Variants in OSBPL10 observed in about 807,000 individuals in gnomAD.
The protein encoded by OSBPL10 is oxysterol binding protein like 10.
A neutral mutation model predicts 81.7 loss-of-function variants in OSBPL10; 49 were observed. The ratio of observed to expected loss-of-function variants is 0.60; its 90% CI spans 0.48 to 0.76. OSBPL10 has a LOEUF of 0.76. Among genes scored for constraint, OSBPL10 ranks in the 30% least tolerant of loss-of-function variants. The pLI, the probability that OSBPL10 is intolerant of heterozygous loss-of-function variation, is 0.00. For synonymous variants in OSBPL10, 419 were observed against 383.6 expected (o/e 1.09, Z -1.08); for missense variants, 923 against 987.8 (o/e 0.93, Z 0.88).
At chr3:31,798,990 C>T (rs1699306916) in intron 4 of OSBPL10, among the ~76,000 whole-genome samples, 1 of 152,140 alleles carries the variant, frequency 6.6e-6, no homozygotes, top group Non-Finnish European at 1.5e-5. Context: ...CGGTGGAGCT[C>T]AGGCAGTACT....
chr3:31,892,852 G>A (rs927510153), intron 1 of OSBPL10, among the ~76,000 whole-genome samples: 20 of 152,138 alleles, frequency 1.3e-4, no homozygotes, highest in Admixed American at 1.2e-3. Context: ...AGCAAGCCAC[G>A]GACCAGCAGA....
At position 31,661,768 on chromosome 3, in the gene OSBPL10, AC is replaced by A; in HGVS notation, c.*303del. On this transcript the variant is annotated 3_prime_UTR_variant, in exon 12 of 12. Coordinates refer to ENST00000396556, the MANE Select transcript of OSBPL10 (RefSeq NM_017784.5). The stretch of plus-strand genomic sequence containing the variant: ...CATTGATAAAAAGGAGCTTATGATT[AC>A]CCACTTTAACCTTGGTGAGTGCAGT... 1 of 271,276 alleles carries A rather than the reference AC, an allele frequency of 3.7e-6. No homozygotes were observed. The allele number at this position is 271,276 out of a possible 1,614,324, so 16.8% of individuals were successfully genotyped here. A position where few individuals can be genotyped will look rare whatever the true frequency, so the allele number is the denominator to read the frequency against.
At chr3:31,861,524 C>G (rs1412596715) in intron 3 of OSBPL10, among the ~76,000 whole-genome samples, 5 of 152,082 alleles carry the variant, frequency 3.3e-5, no homozygotes, top group Non-Finnish European at 5.9e-5. Context: ...TAGGCAGAAC[C>G]CACAGATACA....
chr3:31,833,635 A>G (rs1267517187), intron 3 of OSBPL10, among the ~76,000 whole-genome samples: 1 of 152,002 alleles, frequency 6.6e-6, no homozygotes. Context: ...AGAAGCCCAA[A>G]ACATAATTAA....
chr3:31,800,612 T>TA (rs1699354939), intron 4 of OSBPL10, among the ~76,000 whole-genome samples: 1 of 152,240 alleles, frequency 6.6e-6, no homozygotes. Context: ...GCAAAATGCT[T>TA]ATACGAATAA....
chr3:31,784,634 G>A (rs1698813345), intron 4 of OSBPL10, among the ~76,000 whole-genome samples: 1 of 152,080 alleles, frequency 6.6e-6, no homozygotes, highest in African/African-American at 2.4e-5. Context: ...CCAGGCTGGA[G>A]TACAGTGGTG....
intron 3 of OSBPL10, among the ~76,000 whole-genome samples, chr3:31,849,384 A>G (rs905477932): frequency 2.6e-5 from 4 of 152,216 alleles, no homozygotes; most frequent in Non-Finnish European, 5.9e-5. Flanking sequence ...TATATCTTCT[A>G]GTCCAATCCT....
chr3:31,707,834 C>T (rs1197340972), intron 6 of OSBPL10, among the ~76,000 whole-genome samples: 1 of 152,146 alleles, frequency 6.6e-6, no homozygotes, highest in African/African-American at 2.4e-5. Context: ...GGCAAGTGTA[C>T]TTATGTTTTC....
At chr3:31,989,493 C>A (rs115832100) in intron 2 of OSBPL10, 1 of 1,614,098 alleles carries the variant, frequency 6.2e-7, no homozygotes, top group Non-Finnish European at 8.5e-7. Flanking sequence ...CTGGTAGCAC[C>A]GACAGATATG....
rs143660924 is a variant in OSBPL10 at position 32,047,866 on chromosome 3, C to T, written n.186-1263G>A. ...GTTTTTAGTAGAGATGGGGTTTCAC[C>T]ATGTTAGCCAGGATGGTATCAATCT... On this transcript the variant is annotated intron_variant and non_coding_transcript_variant, in intron 1 of 3. Transcript: ENST00000479173. 6.2e-3 allele frequency among the ~76,000 whole-genome samples: 941 copies of T among 152,150 alleles called. 14 individuals carry two copies. The highest frequency in any genetic ancestry group is 0.022 in the African/African-American group (912 of 41,510).
intron 2 of OSBPL10, among the ~76,000 whole-genome samples, chr3:32,018,628 C>G (rs551497494): frequency 9.9e-5 from 15 of 152,188 alleles, no homozygotes; most frequent in African/African-American, 3.4e-4. Flanking sequence ...ATCATTTGAG[C>G]CCAGGAGCTC....
intron 4 of OSBPL10, among the ~76,000 whole-genome samples, chr3:31,808,099 A>G (rs943103247): frequency 2.0e-5 from 3 of 152,194 alleles, no homozygotes; most frequent in Non-Finnish European, 4.4e-5. Context: ...AGTTTCACCC[A>G]GAATCAGTTA....
chr3:32,049,077 A>G (rs946598091), intron 1 of OSBPL10, among the ~76,000 whole-genome samples: 8 of 152,196 alleles, frequency 5.3e-5, no homozygotes, highest in African/African-American at 1.9e-4. Context: ...ATCCCTGCCC[A>G]TTTCCCAGAA....
intron 3 of OSBPL10, among the ~76,000 whole-genome samples, chr3:31,839,216 A>C (rs1700435367): frequency 6.6e-6 from 1 of 152,224 alleles, no homozygotes; most frequent in African/African-American, 2.4e-5. Flanking sequence ...CTCCTTTTCC[A>C]AACAGGCAGA....
At chr3:31,758,998 T>C (rs1361096001) in intron 4 of OSBPL10, among the ~76,000 whole-genome samples, 4 of 152,172 alleles carry the variant, frequency 2.6e-5, no homozygotes, top group African/African-American at 4.8e-5. Flanking sequence ...AACCTCATCA[T>C]TGTTTAGTTG....
At chr3:32,011,483 G>A (rs1041939989) in intron 2 of OSBPL10, among the ~76,000 whole-genome samples, 7 of 152,156 alleles carry the variant, frequency 4.6e-5, no homozygotes, top group African/African-American at 1.7e-4. Flanking sequence ...AAACCACAAA[G>A]ATGGGGAAAA....
chr3:31,748,154 G>A (rs374820338), intron 4 of OSBPL10, 34 bp from the exon 5 acceptor site: 3 of 1,572,632 alleles, frequency 1.9e-6, no homozygotes, highest in Non-Finnish European at 2.6e-6. Flanking sequence ...GAGGTGAGGG[G>A]CGGAAGTTCT....
intron 4 of OSBPL10, chr3:31,797,616 C>G (rs1234383534): frequency 9.4e-6 from 3 of 319,650 alleles, no homozygotes; most frequent in South Asian, 2.4e-5. Context: ...CTCCAAACTA[C>G]AATTTCTGTG....
At chr3:32,058,626 C>T (rs1699730944) in intron 1 of OSBPL10, among the ~76,000 whole-genome samples, 1 of 152,184 alleles carries the variant, frequency 6.6e-6, no homozygotes, top group Admixed American at 6.5e-5. Flanking sequence ...CCCACCCAGC[C>T]TGAACTATTC....
Sources: allele counts gnomAD v4.1 joint callset (sites outside exome capture counted in the v4.1 genomes callset), GRCh38; gene constraint gnomAD v4.1.1; transcripts MANE v1.5; gene names NCBI Gene and HGNC (gene_info 2026-07-23, HGNC 2026-07-21).